LPL: variants seen among roughly 807,000 people sequenced by gnomAD.
LPL encodes phospholipase A1.
LPL carries 43 observed loss-of-function variants against 52.2 expected under a neutral mutation model. The observed-to-expected ratio is 0.82, with a 90% CI of 0.64 to 1.06. The LOEUF (loss-of-function observed/expected upper bound fraction) is 1.06. Among genes scored for constraint, LPL ranks in the 50% least tolerant of loss-of-function variants. LPL has a pLI of 0.00. For missense variants in LPL, 639 were observed against 585.3 expected, an observed-to-expected ratio of 1.09 and a Z score of -0.95; for synonymous variants, 244 against 215.6, an observed-to-expected ratio of 1.13 and a Z score of -1.15.
chr8:19,940,569 C>T (rs1419808783), intron 1 of LPL, among the ~76,000 whole-genome samples: 1 of 152,266 alleles, frequency 6.6e-6, no homozygotes, highest in East Asian at 1.9e-4. Flanking sequence ...ATTCAGTAAA[C>T]ATGCAACAGC....
Position 19,955,909 on chromosome 8 carries a change from G to T in LPL, c.844G>T (p.Glu282Ter), listed in dbSNP as rs533505535. 6.2e-7 allele frequency: 1 copy of T among 1,614,166 alleles called. No individual in the cohort carries two copies. The highest frequency in any genetic ancestry group is 1.3e-5 in the African/African-American group (1 of 75,046). Residue 282 changes from glutamate (E) to a stop codon, truncating the protein, a stop_gained, in exon 6 of 10, where the codon GAA becomes TAA. Coordinates refer to ENST00000650287, the MANE Select transcript of LPL (RefSeq NM_000237.3). LOFTEE classifies it high-confidence loss of function. The part of the protein sequence containing the change: ...IHLFIDSLLN[E>*]ENPSKAYRCS... ...TCTCTTCATCGACTCTCTGTTGAATGAAGAAAATCCAAGTAAGGCCTACAG... is the reference window on the plus strand; with the variant it reads ...TCTCTTCATCGACTCTCTGTTGAATTAAGAAAATCCAAGTAAGGCCTACAG...
chr8:19,949,881 G>A (rs1331212233), intron 2 of LPL, among the ~76,000 whole-genome samples: 4 of 152,166 alleles, frequency 2.6e-5, no homozygotes, highest in African/African-American at 9.7e-5. Context: ...TTATACAACA[G>A]AAATAAATTG....
Position 19,955,833 on chromosome 8 carries a change from T to G in LPL, c.776-8T>G. 1 of 1,614,190 alleles carries G rather than the reference T, an allele frequency of 6.2e-7. No homozygotes were observed. The highest frequency in any genetic ancestry group is 8.5e-7 in the Non-Finnish European group (1 of 1,180,022). ...GAGATACAATCTTGGTGTCTCTTTT[T>G]TACCCAGATGTGGACCAGCTAGTGA... On this transcript the variant is annotated splice_region_variant and splice_polypyrimidine_tract_variant and intron_variant, in intron 5 of 9. Transcript: ENST00000650287.
rs2069808225 is a variant in LPL at position 19,939,373 on chromosome 8, G to T, written c.-68G>T. ...CAAACCGCGGCTCCAGCCCTCTCCAGCCTCCGGCTCAGCCGGCTCATCAGT... is the reference window on the plus strand; with the variant it reads ...CAAACCGCGGCTCCAGCCCTCTCCATCCTCCGGCTCAGCCGGCTCATCAGT... On this transcript the variant is annotated 5_prime_UTR_variant, in exon 1 of 10. Transcript: ENST00000650287. This position sits in a 1 kb window ranked among gnomAD's most constrained non-coding sequence, Gnocchi z 4.0. 6.7e-7 allele frequency: 1 copy of T among 1,498,954 alleles called. No individual in the cohort carries two copies. Among genetic ancestry groups the T allele is most frequent in the Non-Finnish European group, 9.1e-7 (1 of 1,101,824 alleles). 92.9% of individuals were successfully genotyped at this position (1,498,954 alleles called of 1,614,324 possible). A position where few individuals can be genotyped will look rare whatever the true frequency, so the allele number is the denominator to read the frequency against.
Position 19,955,885 on chromosome 8 carries a change from C to G in LPL, c.820C>G (p.Leu274Val). ...VKCSHERSIH[L>V]FIDSLLNEEN... ...GTGCTCCCACGAGCGCTCCATTCAT[C>G]TCTTCATCGACTCTCTGTTGAATGA... The change falls in exon 6 of 10, where the codon CTC (leucine) becomes GTC (valine). Residue 274 changes from leucine (L) to valine (V), a missense_variant. Physicochemically the swap from Leu to Val is conservative, Grantham distance 32 (BLOSUM62 1). Transcript: ENST00000650287. 6.2e-7 allele frequency: 1 copy of G among 1,614,202 alleles called. No homozygotes were observed. The highest frequency in any genetic ancestry group is 8.5e-7 in the Non-Finnish European group (1 of 1,180,030).
Position 19,953,411 on chromosome 8 carries a change from C to G in LPL, c.531C>G (p.Asn177Lys). 6.2e-7 allele frequency: 1 copy of G among 1,612,552 alleles called. No homozygotes were observed. The highest frequency in any genetic ancestry group is 8.5e-7 in the Non-Finnish European group (1 of 1,178,648). ...GAAGTCTGACCAATAAGAAAGTCAA[C>G]AGAATTACTGGTAAGAAAGCAATTT... The part of the protein sequence containing the change: ...IAGSLTNKKV[N>K]RITGLDPAGP... The change falls in exon 4 of 10, where the codon AAC (asparagine) becomes AAG (lysine). Residue 177 changes from asparagine (N) to lysine (K), a missense_variant. Asn to Lys is a moderately conservative substitution (Grantham distance 94). Transcript: ENST00000650287.
chr8:19,957,517 G>A (rs1333728518), intron 6 of LPL, among the ~76,000 whole-genome samples: 1 of 152,210 alleles, frequency 6.6e-6, no homozygotes. Context: ...TGAAGACACA[G>A]ACAGGCTTCA....
intron 4 of LPL, 151 bp downstream of exon 4, chr8:19,953,572 T>C: frequency 1.5e-6 from 1 of 670,378 alleles, no homozygotes; most frequent in Non-Finnish European, 2.7e-6. Context: ...TAGGGCTCTT[T>C]ATTAGGGATA....
chr8:19,965,862 C>T lies in LPL; in HGVS notation c.*552C>T, dbSNP rs1339632554. On this transcript the variant is annotated 3_prime_UTR_variant, in exon 10 of 10. Coordinates refer to ENST00000650287, the MANE Select transcript of LPL (RefSeq NM_000237.3). ...CCAGACGTCAACCAGGAACATGTAA[C>T]TTGGAGAGGGACGAAGAAAGGGTCT... 6.5e-6 allele frequency: 1 copy of T among 152,744 alleles called. No homozygotes were observed. The highest frequency in any genetic ancestry group is 1.5e-5 in the Non-Finnish European group (1 of 68,500). The allele number at this position is 152,744 out of a possible 1,614,324, so 9.5% of individuals were successfully genotyped here.
At chr8:19,948,073 C>A in intron 1 of LPL, 107 bp from the exon 2 acceptor site, 2 of 1,235,502 alleles carry the variant, frequency 1.6e-6, no homozygotes, top group Non-Finnish European at 2.4e-6. Context: ...ACTTCAGAAA[C>A]AAAAATAGCA....
At position 19,955,256 on chromosome 8, in the gene LPL, A is replaced by G. The variant is rs369931020; in HGVS notation, c.776-585A>G. 1.4e-3 allele frequency among the ~76,000 whole-genome samples: 210 copies of G among 152,282 alleles called. 9 individuals are homozygous for G. The South Asian group carries it at 0.043, about 31-fold the overall frequency. ...TCAATGATAAAATACAATTCATTTA[A>G]CAATTACCCTCTTAAGATGTGGTTT... On this transcript the variant is annotated intron_variant, in intron 5 of 9. Transcript: ENST00000650287.
chr8:19,945,859 T>C (rs1432398266), intron 1 of LPL, among the ~76,000 whole-genome samples: 1 of 152,218 alleles, frequency 6.6e-6, no homozygotes, highest in Non-Finnish European at 1.5e-5. Context: ...ACATCATCTC[T>C]GCTTTAAAAA....
In LPL at chr8:19,951,860, T is replaced by A. The variant is rs1371142666; in HGVS notation, c.341T>A (p.Leu114Gln). ...PDSNVIVVDW[L>Q]SRAQEHYPVS... ...TCCAATGTCATTGTGGTGGACTGGC[T>A]GTCACGGGCTCAGGAGCATTACCCA... The change falls in exon 3 of 10, where the codon CTG becomes CAG. Residue 114 changes from leucine to glutamine, a missense_variant. By Grantham distance (113) the Leu-to-Gln change is moderately radical. Transcript: ENST00000650287. 2 of 1,614,056 alleles carry A rather than the reference T, an allele frequency of 1.2e-6. No individual in the cohort carries two copies. The highest frequency in any genetic ancestry group is 3.3e-5 in the Admixed American group (2 of 59,998).
intron 3 of LPL, among the ~76,000 whole-genome samples, chr8:19,952,723 C>T (rs2069946483): frequency 6.6e-6 from 1 of 152,174 alleles, no homozygotes; most frequent in Admixed American, 6.5e-5. Flanking sequence ...GGGGCTCAGG[C>T]TTCTCACCTG....
At chr8:19,951,576 C>T in intron 2 of LPL, 193 bp from the exon 3 acceptor site, 1 of 698,836 alleles carries the variant, frequency 1.4e-6, no homozygotes, top group Non-Finnish European at 2.6e-6. Context: ...CAATGCCTTC[C>T]TGGCTTACTT....
intron 1 of LPL, 118 bp from the exon 2 acceptor site, chr8:19,948,062 C>T: frequency 9.0e-7 from 1 of 1,116,238 alleles, no homozygotes; most frequent in South Asian, 1.3e-5. Flanking sequence ...TTTTCGAAAA[C>T]ACTTCAGAAA....
rs535887914 is a variant in LPL at position 19,966,173 on chromosome 8, T to C, written c.*863T>C. On this transcript the variant is annotated 3_prime_UTR_variant, in exon 10 of 10. Transcript: ENST00000650287. ...TATTATTAGATTCTCCAAATGATTT[T>C]CATCAATTTAAAATCATTCAATATC... 1.3e-5 allele frequency: 2 copies of C among 152,312 alleles called. No homozygotes were observed. The highest frequency in any genetic ancestry group is 4.8e-5 in the African/African-American group (2 of 41,560). 9.4% of individuals were successfully genotyped at this position (152,312 alleles called of 1,614,324 possible).
In LPL at chr8:19,939,608, G is replaced by A; in HGVS notation, c.88+80G>A. On this transcript the variant is annotated intron_variant, in intron 1 of 9. Transcript: ENST00000650287. The surrounding 1 kb of genome is among the most constrained non-coding windows in gnomAD (Gnocchi z 4.0). ...CCACCCGAACTGAGGATGAGAAGAA[G>A]GAAGTTGGAAGGGGCGGTGGATGCG... 1.4e-6 allele frequency: 2 copies of A among 1,416,470 alleles called. No individual in the cohort carries two copies. Among genetic ancestry groups the A allele is most frequent in the Non-Finnish European group, 1.9e-6 (2 of 1,032,728 alleles). The allele number at this position is 1,416,470 out of a possible 1,614,324, so 87.7% of individuals were successfully genotyped here.
At chr8:19,947,113 T>G (rs1336857757) in intron 1 of LPL, among the ~76,000 whole-genome samples, 1 of 152,214 alleles carries the variant, frequency 6.6e-6, no homozygotes, top group Admixed American at 6.5e-5. Flanking sequence ...TCTTAGAACA[T>G]TTTGAAGTAT....
Sources: gnomAD v4.1 joint callset for allele counts (sites outside exome capture counted in the v4.1 genomes callset) on GRCh38, gnomAD v4.1.1 for gene constraint, Gnocchi (gnomAD v3.1) non-coding constraint, MANE v1.5 for transcripts, NCBI Gene and HGNC (gene_info 2026-07-23, HGNC 2026-07-21) for gene names.